Variants in RASA2 observed in about 807,000 individuals in gnomAD.
RASA2 encodes ras GTPase-activating protein 2.
RASA2 carries 155 observed loss-of-function variants against 118.2 expected under a neutral mutation model. The ratio of observed to expected loss-of-function variants is 1.31; its 90% CI spans 1.15 to 1.50. The LOEUF (loss-of-function observed/expected upper bound fraction) is 1.50, where lower values mean the gene tolerates loss of function less well. RASA2 is among the 40% of genes most tolerant of loss of function. The pLI is 0.00. For missense variants in RASA2, 1,016 were observed against 1,009.6 expected (o/e 1.01, Z -0.09); for synonymous variants, 353 against 349.1 (o/e 1.01, Z -0.12).
intron 1 of RASA2, among the ~76,000 whole-genome samples, chr3:141,510,705 G>A (rs1283826177): frequency 6.6e-6 from 1 of 152,184 alleles, no homozygotes; most frequent in Non-Finnish European, 1.5e-5. Context: ...ATCTAGGAGT[G>A]TAGCATTCCA....
chr3:141,580,370 T>C lies in RASA2; in HGVS notation c.1593T>C (p.Asp531=). ...HTFHLRPHHP[D]AQTIRTLTLI... is the part of the protein sequence containing the mutation. Reference sequence around the variant, plus strand: ...TTGGTCTTTTTTACATTCTTTAGGATGCACAGACAATTAGAACATTAACTC... The same window carrying C: ...TTGGTCTTTTTTACATTCTTTAGGACGCACAGACAATTAGAACATTAACTC... Residue 531 remains aspartate (D), a splice_region_variant and synonymous_variant, in exon 16 of 24, where the codon GAT becomes GAC. Coordinates refer to ENST00000286364, the MANE Select transcript of RASA2 (RefSeq NM_006506.5). The C allele has an allele frequency of 6.3e-7, 1 of 1,599,384 alleles. No individual in the cohort carries two copies. Among genetic ancestry groups the C allele is most frequent in the Non-Finnish European group, 8.5e-7 (1 of 1,169,750 alleles).
intron 19 of RASA2, among the ~76,000 whole-genome samples, chr3:141,589,715 T>G (rs1036558377): frequency 1.4e-4 from 22 of 151,746 alleles, no homozygotes; most frequent in African/African-American, 3.9e-4. Context: ...GTGGTGTGCG[T>G]CTGTAGTCCC....
chr3:141,609,696 A>G (rs1470090095), intron 22 of RASA2, among the ~76,000 whole-genome samples, 173 bp downstream of exon 22: 1 of 152,236 alleles, frequency 6.6e-6, no homozygotes, highest in African/African-American at 2.4e-5. Flanking sequence ...TGAAGTAAAA[A>G]TACTGTTTTT....
intron 1 of RASA2, among the ~76,000 whole-genome samples, chr3:141,492,492 G>A (rs911268634): frequency 6.6e-6 from 1 of 152,130 alleles, no homozygotes; most frequent in Non-Finnish European, 1.5e-5. Context: ...TTAAAAGTTT[G>A]TATCAGTACA....
intron 1 of RASA2, among the ~76,000 whole-genome samples, chr3:141,496,289 A>G (rs1052679682): frequency 1.4e-4 from 21 of 152,226 alleles, no homozygotes; most frequent in African/African-American, 4.8e-4. Context: ...CACCAAAAGC[A>G]ATGGCAACAA....
intron 14 of RASA2, among the ~76,000 whole-genome samples, chr3:141,574,482 G>A (rs531562450): frequency 1.8e-4 from 27 of 152,240 alleles, no homozygotes; most frequent in African/African-American, 6.0e-4. Context: ...GAGCCACCAC[G>A]CCCAGCCTAA....
intron 7 of RASA2, among the ~76,000 whole-genome samples, chr3:141,558,499 G>A (rs1448671287): frequency 2.0e-5 from 3 of 152,058 alleles, no homozygotes; most frequent in Non-Finnish European, 4.4e-5. Flanking sequence ...AGAGATTTTA[G>A]GAGAGTGATC....
At chr3:141,538,544 A>C (rs947197655) in intron 4 of RASA2, among the ~76,000 whole-genome samples, 1 of 152,102 alleles carries the variant, frequency 6.6e-6, no homozygotes, top group Non-Finnish European at 1.5e-5. Flanking sequence ...TTTGTGATTT[A>C]TTTCTTTTGC....
chr3:141,491,322 T>G (rs1229075050), intron 1 of RASA2, among the ~76,000 whole-genome samples: 1 of 152,200 alleles, frequency 6.6e-6, no homozygotes, highest in African/African-American at 2.4e-5. Context: ...TCTGAGACAC[T>G]TCCAGTGCCA....
intron 23 of RASA2, among the ~76,000 whole-genome samples, chr3:141,610,748 T>A (rs1254455180): frequency 6.6e-6 from 1 of 151,916 alleles, no homozygotes; most frequent in Admixed American, 6.6e-5. Context: ...GCCTCGTCTC[T>A]CAAAGTGCTG....
intron 6 of RASA2, among the ~76,000 whole-genome samples, chr3:141,554,947 T>C (rs899984641): frequency 6.6e-6 from 1 of 152,152 alleles, no homozygotes; most frequent in Non-Finnish European, 1.5e-5. Context: ...TTAGAGACAA[T>C]TTGGCATATG....
intron 1 of RASA2, among the ~76,000 whole-genome samples, chr3:141,501,256 T>G (rs1459613707): frequency 1.3e-5 from 2 of 152,158 alleles, no homozygotes. Context: ...AGAAATCCAT[T>G]GATTCTGTAA....
intron 19 of RASA2, among the ~76,000 whole-genome samples, chr3:141,601,766 T>G (rs2083468265): frequency 6.6e-6 from 1 of 152,170 alleles, no homozygotes; most frequent in African/African-American, 2.4e-5. Flanking sequence ...TTTGACTTAT[T>G]TCTTCAAATT....
At chr3:141,502,134 CA>C (rs1219063779) in intron 1 of RASA2, among the ~76,000 whole-genome samples, 1 of 152,076 alleles carries the variant, frequency 6.6e-6, no homozygotes, top group Non-Finnish European at 1.5e-5. Flanking sequence ...AATGTAAAAA[CA>C]TTTGAAATCT....
Position 141,512,288 on chromosome 3 carries a change from G to GA in RASA2, c.251+14dup, listed in dbSNP as rs774329385. The GA allele has an allele frequency of 1.3e-5, 20 of 1,524,146 alleles. No individual in the cohort carries two copies. The highest frequency in any genetic ancestry group is 2.3e-5 in the East Asian group (1 of 43,792). The allele number at this position is 1,524,146 out of a possible 1,614,324, so 94.4% of individuals were successfully genotyped here. A position where few individuals can be genotyped will look rare whatever the true frequency, so the allele number is the denominator to read the frequency against. ...TGTGGAAAAATCTTTAAGGTTGGTA[G>GA]AAAAAATTGGTAAATTATAATTTTT... On this transcript the variant is annotated intron_variant, in intron 2 of 23. Coordinates refer to ENST00000286364, the MANE Select transcript of RASA2 (RefSeq NM_006506.5).
intron 3 of RASA2, among the ~76,000 whole-genome samples, chr3:141,528,896 A>G (rs2082220064): frequency 6.6e-6 from 1 of 151,954 alleles, no homozygotes. Context: ...TTTTAACTTT[A>G]TATATCCTTT....
chr3:141,601,432 C>G (rs2083462139), intron 19 of RASA2, among the ~76,000 whole-genome samples: 1 of 150,816 alleles, frequency 6.6e-6, no homozygotes, highest in Admixed American at 6.6e-5. Context: ...GAGACTGTCT[C>G]CACTGTCTCC....
intron 5 of RASA2, among the ~76,000 whole-genome samples, chr3:141,543,326 C>T (rs1270396686): frequency 6.6e-6 from 1 of 151,890 alleles, no homozygotes; most frequent in Non-Finnish European, 1.5e-5. Flanking sequence ...TCTTTAAATC[C>T]CTTTACCCTC....
Position 141,614,941 on chromosome 3 carries a change from C to T in RASA2, c.*2628C>T, listed in dbSNP as rs953974245. On this transcript the variant is annotated 3_prime_UTR_variant, in exon 24 of 24. Coordinates refer to ENST00000286364, the MANE Select transcript of RASA2 (RefSeq NM_006506.5). The stretch of plus-strand genomic sequence containing the variant: ...TTCTGAAGCCTGATTTCATTTATGC[C>T]AGGTTTTGAAAAACAGATCTTTTTC... 3 of 152,006 alleles carry T rather than the reference C, an allele frequency of 2.0e-5. No individual in the cohort carries two copies. Among genetic ancestry groups the T allele is most frequent in the African/African-American group, 7.2e-5 (3 of 41,392 alleles). The allele number at this position is 152,006 out of a possible 1,614,324, so 9.4% of individuals were successfully genotyped here.
Sources: allele counts gnomAD v4.1 joint callset (sites outside exome capture counted in the v4.1 genomes callset), GRCh38; gene constraint gnomAD v4.1.1; transcripts MANE v1.5; gene names NCBI Gene and HGNC (gene_info 2026-07-23, HGNC 2026-07-21).